GRIN3A: variants seen among roughly 807,000 people sequenced by gnomAD.
GRIN3A encodes the protein glutamate receptor ionotropic, NMDA 3A.
Under a neutral mutation model 92.4 loss-of-function variants are expected in GRIN3A, and 47 were observed. The ratio of observed to expected loss-of-function variants is 0.51; its 90% CI spans 0.40 to 0.65. The LOEUF (loss-of-function observed/expected upper bound fraction) is 0.65. GRIN3A is among the 30% of genes least tolerant of loss of function. The pLI is 0.00. For synonymous variants in GRIN3A, 527 were observed against 540.6 expected, an observed-to-expected ratio of 0.97 and a Z score of 0.35; for missense variants, 1,324 against 1,393.1, an observed-to-expected ratio of 0.95 and a Z score of 0.79.
chr9:101,722,598 G>C (rs956076450), intron 1 of GRIN3A, among the ~76,000 whole-genome samples: 1 of 152,218 alleles, frequency 6.6e-6, no homozygotes, highest in Non-Finnish European at 1.5e-5. Flanking sequence ...AGCTGCCCAA[G>C]ACCATGAGAA....
intron 6 of GRIN3A, among the ~76,000 whole-genome samples, chr9:101,610,380 G>T (rs1381930665): frequency 6.6e-6 from 1 of 152,188 alleles, no homozygotes; most frequent in African/African-American, 2.4e-5. Flanking sequence ...TTTGCATCTT[G>T]TAAACATTGC....
chr9:101,673,198 A>G (rs11793339), intron 2 of GRIN3A, among the ~76,000 whole-genome samples: 49,062 of 151,868 alleles, frequency 0.32, 9,101 homozygotes, highest in Non-Finnish European at 0.41. Flanking sequence ...CCTTTGACCA[A>G]ATATATGCTT....
chr9:101,721,114 G>A (rs1317350159), intron 1 of GRIN3A, among the ~76,000 whole-genome samples: 1 of 152,150 alleles, frequency 6.6e-6, no homozygotes. Flanking sequence ...ATCTCAACTT[G>A]AATTGTATCT....
chr9:101,616,073 G>A (rs1360267156), intron 5 of GRIN3A, among the ~76,000 whole-genome samples: 1 of 152,256 alleles, frequency 6.6e-6, no homozygotes, highest in East Asian at 1.9e-4. Flanking sequence ...ATCCACCTTG[G>A]TCACTGCTAA....
chr9:101,600,403 C>T (rs1019820225), intron 6 of GRIN3A, among the ~76,000 whole-genome samples: 1 of 152,098 alleles, frequency 6.6e-6, no homozygotes, highest in African/African-American at 2.4e-5. Context: ...TTCTTGTTGT[C>T]CCTGTTCTCC....
At chr9:101,641,588 C>T (rs1238318253) in intron 3 of GRIN3A, among the ~76,000 whole-genome samples, 3 of 150,188 alleles carry the variant, frequency 2.0e-5, no homozygotes, top group African/African-American at 7.4e-5. Flanking sequence ...AATGAGAACA[C>T]ATGGACACAG....
chr9:101,595,372 G>A (rs2118816733), intron 6 of GRIN3A, among the ~76,000 whole-genome samples: 1 of 150,186 alleles, frequency 6.7e-6, no homozygotes, highest in East Asian at 2.0e-4. Context: ...GATCGCACCT[G>A]TGTTATTCGC....
intron 6 of GRIN3A, among the ~76,000 whole-genome samples, chr9:101,589,160 A>G (rs1018799655): frequency 1.3e-5 from 2 of 152,014 alleles, no homozygotes; most frequent in Admixed American, 1.3e-4. Context: ...TTTAATAGAG[A>G]TGGGGTTTCA....
intron 6 of GRIN3A, among the ~76,000 whole-genome samples, chr9:101,604,872 CTTCCCT>C (rs1010660480): frequency 2.6e-5 from 4 of 152,236 alleles, no homozygotes; most frequent in African/African-American, 9.6e-5. Flanking sequence ...TTGACTAACC[CTTCCCT>C]TTCCCTTTCC....
intron 1 of GRIN3A, among the ~76,000 whole-genome samples, chr9:101,716,646 T>C (rs1337696): frequency 0.42 from 63,766 of 151,586 alleles, 13,621 homozygotes; most frequent in Non-Finnish European, 0.47. Flanking sequence ...GGAACTGTAC[T>C]TGTTATGATT....
chr9:101,604,269 A>G (rs1224954899), intron 6 of GRIN3A, among the ~76,000 whole-genome samples: 3 of 152,238 alleles, frequency 2.0e-5, no homozygotes, highest in Non-Finnish European at 4.4e-5. Context: ...ACAGGAAGAA[A>G]GGAAGCAAAA....
chr9:101,711,051 T>C (rs1164504405), intron 1 of GRIN3A, among the ~76,000 whole-genome samples: 1 of 152,228 alleles, frequency 6.6e-6, no homozygotes, highest in Non-Finnish European at 1.5e-5. Context: ...TCTCTTAAAA[T>C]ATCTTACTGT....
rs1167334932 is a variant in GRIN3A at position 101,704,223 on chromosome 9, T to G, written c.700-17023A>C. ...GATATCCTGTAGATCAAATCATGTT[T>G]CCTAAAATAGTCTTACTTAGGATTC... On this transcript the variant is annotated intron_variant, in intron 1 of 8. Coordinates refer to ENST00000361820, the MANE Select transcript of GRIN3A (RefSeq NM_133445.3). Among the ~76,000 whole-genome samples, 4 of 152,200 alleles carry G rather than the reference T, an allele frequency of 2.6e-5. No homozygotes were observed. In the East Asian group the frequency reaches 7.7e-4, roughly 29 times the overall value.
chr9:101,692,152 A>C (rs1004588862), intron 1 of GRIN3A, among the ~76,000 whole-genome samples: 1 of 152,162 alleles, frequency 6.6e-6, no homozygotes, highest in Non-Finnish European at 1.5e-5. Flanking sequence ...TGGTCTCAGC[A>C]ATAGATATCT....
intron 3 of GRIN3A, among the ~76,000 whole-genome samples, chr9:101,643,400 C>T (rs1467564609): frequency 1.3e-5 from 2 of 151,838 alleles, no homozygotes; most frequent in Non-Finnish European, 2.9e-5. Flanking sequence ...TGAATAATAA[C>T]AAGTGTTTGT....
At chr9:101,609,967 G>A (rs1206992331) in intron 6 of GRIN3A, among the ~76,000 whole-genome samples, 1 of 152,192 alleles carries the variant, frequency 6.6e-6, no homozygotes, top group East Asian at 1.9e-4. Context: ...CCAAAGCACT[G>A]GAATTACAGG....
intron 2 of GRIN3A, among the ~76,000 whole-genome samples, chr9:101,672,417 A>G (rs1829339696): frequency 6.6e-6 from 1 of 152,168 alleles, no homozygotes; most frequent in Admixed American, 6.5e-5. Flanking sequence ...GGGAAACACA[A>G]AGTATTGCAT....
At chr9:101,725,693 A>C (rs1830075216) in intron 1 of GRIN3A, among the ~76,000 whole-genome samples, 1 of 152,220 alleles carries the variant, frequency 6.6e-6, no homozygotes, top group Non-Finnish European at 1.5e-5. Flanking sequence ...CCTTTGAAAC[A>C]GTGCCCACTA....
chr9:101,717,216 A>AAT (rs1829958459), intron 1 of GRIN3A, among the ~76,000 whole-genome samples: 1 of 152,230 alleles, frequency 6.6e-6, no homozygotes, highest in Non-Finnish European at 1.5e-5. Context: ...CTATACTTTA[A>AAT]AAACTACCAA....
Sources: allele counts gnomAD v4.1 joint callset (sites outside exome capture counted in the v4.1 genomes callset), GRCh38; gene constraint gnomAD v4.1.1; transcripts MANE v1.5; gene names NCBI Gene and HGNC (gene_info 2026-07-23, HGNC 2026-07-21).